TRPM4: variants seen among roughly 807,000 people sequenced by gnomAD.
The protein encoded by TRPM4 is calcium-activated non-selective cation channel 1.
A neutral mutation model predicts 135.6 loss-of-function variants in TRPM4; 124 were observed. That is an observed-to-expected ratio of 0.91 (90% CI 0.79 to 1.06). The LOEUF (loss-of-function observed/expected upper bound fraction) is 1.06, where lower values mean the gene tolerates loss of function less well. Ranked by LOEUF, TRPM4 falls within the 50% of genes least tolerant of loss-of-function variation. The pLI, the probability that TRPM4 is intolerant of heterozygous loss-of-function variation, is 0.00. For missense variants in TRPM4, 1,658 were observed against 1,671.4 expected (o/e 0.99, Z 0.14); for synonymous variants, 745 against 705.6 (o/e 1.06, Z -0.88).
chr19:49,166,846 TCCTCTCTCTGGGTCTGTTTCCC>T (rs1301590987), intron 3 of TRPM4, among the ~76,000 whole-genome samples: 6 of 90,016 alleles, frequency 6.7e-5, no homozygotes, highest in South Asian at 8.0e-4. Context: ...GTCTCTGTCT[TCCTCTCTCTGGGTCTGTTTCCC>T]CCTCTCTCTG....
At chr19:49,200,563 G>A (rs1169088726) in intron 18 of TRPM4, 48 bp from the exon 19 acceptor site, 1 of 1,604,390 alleles carries the variant, frequency 6.2e-7, no homozygotes, top group Non-Finnish European at 8.5e-7. Context: ...TAGGGGTGGG[G>A]CCAGAGTAGG....
At chr19:49,158,509 C>T in intron 2 of TRPM4, 1 of 546,762 alleles carries the variant, frequency 1.8e-6, no homozygotes, top group Non-Finnish European at 3.3e-6. Flanking sequence ...CTTTCCTCCC[C>T]GATGTCTCTT....
Position 49,171,946 on chromosome 19 carries a change from AC to A in TRPM4, c.1051-62del. Reference sequence around the variant, plus strand: ...GGAATGGCCTCCTCCATCCCTTTGGACAGGGCCCAACAGGAGTTGGGGATGG... The same window carrying A: ...GGAATGGCCTCCTCCATCCCTTTGGAAGGGCCCAACAGGAGTTGGGGATGG... On this transcript the variant is annotated intron_variant, in intron 8 of 24. Coordinates refer to ENST00000252826, the MANE Select transcript of TRPM4 (RefSeq NM_017636.4). The surrounding 1 kb of genome is among the most constrained non-coding windows in gnomAD (Gnocchi z 4.7). 3.4e-6 allele frequency: 5 copies of A among 1,458,982 alleles called. No homozygotes were observed. In the Admixed American group the frequency reaches 8.4e-5, roughly 24 times the overall value. 90.4% of individuals were successfully genotyped at this position (1,458,982 alleles called of 1,614,324 possible).
intron 12 of TRPM4, among the ~76,000 whole-genome samples, chr19:49,186,528 T>C (rs1331869495): frequency 6.6e-6 from 1 of 152,200 alleles, no homozygotes; most frequent in African/African-American, 2.4e-5. Flanking sequence ...TTACTGCCTC[T>C]ACTGTGAGTC....
chr19:49,182,921 G>A lies in TRPM4; in HGVS notation c.1607G>A (p.Ser536Asn), dbSNP rs1968045854. 6.3e-7 allele frequency: 1 copy of A among 1,590,298 alleles called. No homozygotes were observed. The highest frequency in any genetic ancestry group is 1.3e-5 in the African/African-American group (1 of 74,502). ...DPHPGQGFGE[S>N]MYLLSDKATS... ...CACCCAGGCCAGGGCTTCGGGGAGA[G>A]CGTAAGGACCGGGCAAAGCTGGGGG... Residue 536 changes from serine to asparagine, a missense_variant and splice_region_variant, in exon 11 of 25, where the codon AGC becomes AAC. Transcript: ENST00000252826.
Position 49,188,675 on chromosome 19 carries a change from G to C in TRPM4, c.1778G>C (p.Cys593Ser), listed in dbSNP as rs756824198. The C allele has an allele frequency of 1.2e-6, 2 of 1,614,162 alleles. No homozygotes were observed. Among genetic ancestry groups the C allele is most frequent in the Non-Finnish European group, 1.7e-6 (2 of 1,180,034 alleles). Residue 593 changes from cysteine (C) to serine (S), a missense_variant, in exon 13 of 25, where the codon TGT becomes TCT. Around this residue, in one of 3 missense-constraint regions of TRPM4, gnomAD observed 1,412 missense variants for 1,408.7 expected, o/e 1.00. Coordinates refer to ENST00000252826, the MANE Select transcript of TRPM4 (RefSeq NM_017636.4). The stretch of plus-strand genomic sequence containing the variant: ...GCAGTTTCCTCAGCTCTTGGGGCCT[G>C]TTTGCTGCTCCGGGTGATGGCACGC... ...SNAVSSALGA[C>S]LLLRVMARLE...
At chr19:49,209,743 C>CTTTTTT (rs780991215) in intron 20 of TRPM4, among the ~76,000 whole-genome samples, 22 of 105,830 alleles carry the variant, frequency 2.1e-4, no homozygotes, top group South Asian at 3.0e-4. Flanking sequence ...TCTAAACTGA[C>CTTTTTT]TTTTTTTTTT....
At chr19:49,197,345 TTTC>T (rs1455102290) in intron 17 of TRPM4, among the ~76,000 whole-genome samples, 3 of 126,050 alleles carry the variant, frequency 2.4e-5, no homozygotes, top group Non-Finnish European at 4.7e-5. Context: ...TCTTTCTTTC[TTTC>T]TTTCTTTCTT....
chr19:49,187,439 G>T (rs1193525437), intron 12 of TRPM4, among the ~76,000 whole-genome samples: 1 of 151,730 alleles, frequency 6.6e-6, no homozygotes, highest in Admixed American at 6.6e-5. Context: ...CAACCTACTG[G>T]GCTCATTCGA....
rs1168011176 is a variant in TRPM4 at position 49,182,757 on chromosome 19, C to A, written c.1443C>A (p.Ser481=). 2 of 1,614,052 alleles carry A rather than the reference C, an allele frequency of 1.2e-6. No homozygotes were observed. Among genetic ancestry groups the A allele is most frequent in the Non-Finnish European group, 1.7e-6 (2 of 1,179,944 alleles). The change falls in exon 11 of 25, where the codon TCC becomes TCA. Residue 481 remains serine (S), a synonymous_variant. Transcript: ENST00000252826. ...TCCGCAACCTTTTGGACCAGGCGTC[C>A]CACAGCGCAGGCACCAAAGCCCCAG... is the stretch of plus-strand genomic sequence containing the variant. The part of the protein sequence containing the change: ...SLIRNLLDQA[S]HSAGTKAPAL...
rs1421698017 is a variant in TRPM4, at chr19:49,171,582, T to C, written c.863T>C (p.Ile288Thr). 1.2e-6 allele frequency: 2 copies of C among 1,614,000 alleles called. No individual in the cohort carries two copies. Among genetic ancestry groups the C allele is most frequent in the South Asian group, 1.1e-5 (1 of 91,080 alleles). The change falls in exon 8 of 25, where the codon ATA becomes ACA. Residue 288 changes from isoleucine to threonine, a missense_variant. Around this residue, in one of 3 missense-constraint regions of TRPM4, gnomAD observed 1,412 missense variants for 1,408.7 expected, o/e 1.00. Coordinates refer to ENST00000252826, the MANE Select transcript of TRPM4 (RefSeq NM_017636.4). This position sits in a 1 kb window ranked among gnomAD's most constrained non-coding sequence, Gnocchi z 4.7. ...IDGDEKMLTRIENATQAQLPC... is the reference protein window; with the variant it reads ...IDGDEKMLTRTENATQAQLPC... The stretch of plus-strand genomic sequence containing the variant: ...AAGAATGCCTTTATCCTGTAGCGAA[T>C]AGAGAACGCCACCCAGGCTCAGCTC...
At chr19:49,182,376 C>T (rs922350106) in intron 10 of TRPM4, 1 of 633,586 alleles carries the variant, frequency 1.6e-6, no homozygotes, top group Middle Eastern at 2.7e-4. Flanking sequence ...ATCCATCCAT[C>T]CATCCATCCA....
intron 20 of TRPM4, among the ~76,000 whole-genome samples, chr19:49,209,230 C>G (rs1390302180): frequency 6.6e-6 from 1 of 152,066 alleles, no homozygotes; most frequent in Admixed American, 6.6e-5. Context: ...CTGTAATTTT[C>G]TTGTGATATC....
In TRPM4 at chr19:49,200,653, C is replaced by CT. The variant is rs1568489128; in HGVS notation, c.2822dup (p.Val942GlyfsTer17). 1 of 1,613,962 alleles carries CT rather than the reference C, an allele frequency of 6.2e-7. No individual in the cohort carries two copies. Among genetic ancestry groups the CT allele is most frequent in the Admixed American group, 1.7e-5 (1 of 60,010 alleles). On this transcript the variant is annotated frameshift_variant, in exon 19 of 25. Transcript: ENST00000252826. LOFTEE classifies it high-confidence loss of function. ...CTTCCTCTTCTTCCTCGGCGTGTGGCTGGTAGCCTATGGCGTGGCCACGGA... is the reference window on the plus strand; with the variant it reads ...CTTCCTCTTCTTCCTCGGCGTGTGGCTTGGTAGCCTATGGCGTGGCCACGGA...
intron 9 of TRPM4, among the ~76,000 whole-genome samples, chr19:49,180,430 G>A (rs1239568052): frequency 5.8e-5 from 1 of 17,320 alleles, no homozygotes; most frequent in South Asian, 2.4e-3. Context: ...ATCATCTGCT[G>A]TGTGTGTGTG....
chr19:49,182,601 C>T lies in TRPM4; in HGVS notation c.1287C>T (p.Leu429=). The change falls in exon 11 of 25, where the codon CTC becomes CTT. Residue 429 remains leucine (L), a synonymous_variant. Transcript: ENST00000252826. ...QWRSFHLEAS[L]MDALLNDRPE... is the part of the protein sequence containing the mutation. ...AGTCCTTCCATCTCGAAGCTTCCCTCATGGACGCCCTGCTGAATGACCGGC... is the reference window on the plus strand; with the variant it reads ...AGTCCTTCCATCTCGAAGCTTCCCTTATGGACGCCCTGCTGAATGACCGGC... The T allele has an allele frequency of 6.2e-7, 1 of 1,613,914 alleles. No individual in the cohort carries two copies. The highest frequency in any genetic ancestry group is 8.5e-7 in the Non-Finnish European group (1 of 1,180,034).
intron 10 of TRPM4, 109 bp downstream of exon 10, chr19:49,181,570 C>A: frequency 1.3e-6 from 1 of 763,714 alleles, no homozygotes; most frequent in South Asian, 1.8e-5. Flanking sequence ...CTCACTCTGT[C>A]ACCCAGCCTG....
Position 49,196,707 on chromosome 19 carries a change from C to T in TRPM4, c.2478C>T (p.Cys826=). ...LLYFWAFTLL[C]EELRQGLSGG... is the part of the protein sequence containing the mutation. ...ATTTCTGGGCTTTCACGCTGCTGTGCGAGGAACTGCGCCAGGGCCTGAGCG... is the reference window on the plus strand; with the variant it reads ...ATTTCTGGGCTTTCACGCTGCTGTGTGAGGAACTGCGCCAGGGCCTGAGCG... The change falls in exon 17 of 25, where the codon TGC becomes TGT. Residue 826 remains cysteine (C), a synonymous_variant. Coordinates refer to ENST00000252826, the MANE Select transcript of TRPM4 (RefSeq NM_017636.4). The T allele has an allele frequency of 1.3e-6, 2 of 1,551,474 alleles. No homozygotes were observed. The highest frequency in any genetic ancestry group is 1.2e-5 in the South Asian group (1 of 84,988).
Position 49,158,395 on chromosome 19 carries a change from C to T in TRPM4, c.92+136C>T. The T allele has an allele frequency of 9.7e-6, 8 of 824,804 alleles. No individual in the cohort carries two copies. In the South Asian group the frequency reaches 1.1e-4, roughly 11 times the overall value. 51.1% of individuals were successfully genotyped at this position (824,804 alleles called of 1,614,324 possible). On this transcript the variant is annotated intron_variant, in intron 2 of 24. Coordinates refer to ENST00000252826, the MANE Select transcript of TRPM4 (RefSeq NM_017636.4). ...TTCCCAAGGGCGTTCCTTGCCGACG[C>T]TCTCCCTCTAGGAGCGTTTGGGTCT...
Sources: allele counts gnomAD v4.1 joint callset (sites outside exome capture counted in the v4.1 genomes callset), GRCh38; gene constraint gnomAD v4.1.1; regional missense constraint gnomAD v4.1.1; non-coding constraint Gnocchi (gnomAD v3.1); transcripts MANE v1.5; gene names NCBI Gene and HGNC (gene_info 2026-07-23, HGNC 2026-07-21).